The following NMUR2 variants were observed in gnomAD, a reference collection of about 807,000 sequenced individuals.
NMUR2 encodes neuromedin-U receptor 2.
Under a neutral mutation model 25.1 loss-of-function variants are expected in NMUR2, and 24 were observed. That is an observed-to-expected ratio of 0.96 (90% CI 0.69 to 1.34). The LOEUF (loss-of-function observed/expected upper bound fraction) is 1.34, where lower values mean the gene tolerates loss of function less well. Among genes scored for constraint, NMUR2 ranks in the 40% most tolerant of loss-of-function variants. The pLI, the probability that NMUR2 is intolerant of heterozygous loss-of-function variation, is 0.00. For synonymous variants in NMUR2, 218 were observed against 208.1 expected, an observed-to-expected ratio of 1.05 and a Z score of -0.41; for missense variants, 533 against 512.8, an observed-to-expected ratio of 1.04 and a Z score of -0.38.
chr5:152,396,865 G>A (rs1369692132), intron 2 of NMUR2, among the ~76,000 whole-genome samples: 1 of 151,856 alleles, frequency 6.6e-6, no homozygotes, highest in African/African-American at 2.4e-5. Context: ...CTCCAGCCAG[G>A]GCAACAGGGC....
At chr5:152,402,083 A>G (rs1753266432) in intron 1 of NMUR2, among the ~76,000 whole-genome samples, 1 of 152,204 alleles carries the variant, frequency 6.6e-6, no homozygotes, top group African/African-American at 2.4e-5. Context: ...ACAATTAATT[A>G]AGGAATCCAT....
At chr5:152,397,650 A>G (rs1753183075) in intron 2 of NMUR2, among the ~76,000 whole-genome samples, 1 of 152,032 alleles carries the variant, frequency 6.6e-6, no homozygotes, top group South Asian at 2.1e-4. Context: ...TTTTAAAAGA[A>G]ATCCATAATA....
intron 3 of NMUR2, 105 bp from the exon 4 acceptor site, chr5:152,392,606 C>T: frequency 1.2e-6 from 1 of 841,974 alleles, no homozygotes; most frequent in South Asian, 1.7e-5. Flanking sequence ...CTGTGATTGC[C>T]TCTTTTATAA....
chr5:152,402,750 G>T (rs144014142), intron 1 of NMUR2, among the ~76,000 whole-genome samples: 25 of 152,228 alleles, frequency 1.6e-4, no homozygotes, highest in African/African-American at 5.3e-4. Context: ...TCTTTTCCCC[G>T]CAGTGAGATG....
rs777328603 is a variant in NMUR2 at position 152,404,928 on chromosome 5, G to T, written c.186C>A (p.Gly62=). ...GAATCACCAGGCACACCAGGACATT[G>T]CCAATGACCCCCACCACAAAAATTG... The part of the protein sequence containing the change: ...YVPIFVVGVI[G]NVLVCLVILQ... Residue 62 remains glycine (G), a synonymous_variant, in exon 1 of 4, where the codon GGC becomes GGA. Coordinates refer to ENST00000255262, the MANE Select transcript of NMUR2 (RefSeq NM_020167.5). The T allele has an allele frequency of 6.2e-7, 1 of 1,614,008 alleles. No individual in the cohort carries two copies. Among genetic ancestry groups the T allele is most frequent in the South Asian group, 1.1e-5 (1 of 91,064 alleles).
intron 1 of NMUR2, among the ~76,000 whole-genome samples, chr5:152,402,980 C>A (rs1023929367): frequency 2.0e-5 from 3 of 152,176 alleles, no homozygotes; most frequent in African/African-American, 7.2e-5. Context: ...TACCATTGGG[C>A]ACTCGCTTCT....
intron 2 of NMUR2, among the ~76,000 whole-genome samples, chr5:152,396,586 G>A (rs901056974): frequency 2.6e-5 from 4 of 152,074 alleles, no homozygotes; most frequent in African/African-American, 7.2e-5. Context: ...GTTCACTACT[G>A]CCTACAATTC....
chr5:152,398,512 G>A (rs963117851), intron 1 of NMUR2, among the ~76,000 whole-genome samples: 1 of 152,192 alleles, frequency 6.6e-6, no homozygotes, highest in Non-Finnish European at 1.5e-5. Flanking sequence ...TTAGAAATCT[G>A]TTAAAGTGAA....
intron 3 of NMUR2, among the ~76,000 whole-genome samples, chr5:152,394,366 A>G (rs1334793153): frequency 6.6e-6 from 1 of 152,242 alleles, no homozygotes; most frequent in Non-Finnish European, 1.5e-5. Context: ...CACAATATTC[A>G]GTATAGATGT....
intron 1 of NMUR2, 51 bp from the exon 2 acceptor site, chr5:152,398,195 C>T (rs376394228): frequency 3.8e-5 from 51 of 1,344,138 alleles, no homozygotes; most frequent in African/African-American, 2.5e-4. Flanking sequence ...AACATTTTTC[C>T]TCCTGTTAAA....
At chr5:152,398,726 G>A (rs1329230232) in intron 1 of NMUR2, among the ~76,000 whole-genome samples, 3 of 152,112 alleles carry the variant, frequency 2.0e-5, no homozygotes, top group Non-Finnish European at 4.4e-5. Flanking sequence ...TTAGCCAAAA[G>A]GGAGATAGTG....
chr5:152,392,235 T>A lies in NMUR2; in HGVS notation c.1204A>T (p.Met402Leu). The change falls in exon 4 of 4, where the codon ATG (methionine) becomes TTG (leucine). Residue 402 changes from methionine (M) to leucine (L), a missense_variant. Coordinates refer to ENST00000255262, the MANE Select transcript of NMUR2 (RefSeq NM_020167.5). ...HLPAALSSEQMSRTNYQSFHF... is the reference protein window; with the variant it reads ...HLPAALSSEQLSRTNYQSFHF... ...AAGCTTTGATAGTTTGTTCTTGACA[T>A]CTGTTCACTAGAGAGGGCTGCTGGG... The A allele has an allele frequency of 6.2e-7, 1 of 1,613,786 alleles. No homozygotes were observed. Among genetic ancestry groups the A allele is most frequent in the South Asian group, 1.1e-5 (1 of 91,060 alleles).
chr5:152,404,497 A>ATCAAG lies in NMUR2; in HGVS notation c.616_617insCTTGA (p.Val206AlafsTer2). 1 of 1,614,042 alleles carries ATCAAG rather than the reference A, an allele frequency of 6.2e-7. No homozygotes were observed. The highest frequency in any genetic ancestry group is 1.7e-5 in the Admixed American group (1 of 60,020). On this transcript the variant is annotated stop_gained and frameshift_variant, in exon 1 of 4. Transcript: ENST00000255262. LOFTEE classifies it high-confidence loss of function. Reference sequence around the variant, plus strand: ...ATTGTAGATCCACATGGGCTTGATGACCGTACAGGTGGCCGAACCTGGGAC... The same window carrying ATCAAG: ...ATTGTAGATCCACATGGGCTTGATGATCAAGCCGTACAGGTGGCCGAACCTGGGAC...
chr5:152,403,170 A>T (rs948190329), intron 1 of NMUR2, among the ~76,000 whole-genome samples: 2 of 152,104 alleles, frequency 1.3e-5, no homozygotes, highest in Non-Finnish European at 2.9e-5. Flanking sequence ...GGAATAATAG[A>T]CTGTTAGAGC....
rs779692169 is a variant in NMUR2, at chr5:152,404,993, G to A, written c.121C>T (p.Arg41Cys). The stretch of plus-strand genomic sequence containing the variant: ...GACACGGGGAGGAAGAAGTGGCTGC[G>A]CCGAGGTCCGCAGAGGAAGGCCAGA... ...EYLAFLCGPRRSHFFLPVSVV... is the reference protein window; with the variant it reads ...EYLAFLCGPRCSHFFLPVSVV... The change falls in exon 1 of 4, where the codon CGC (arginine) becomes TGC (cysteine). Residue 41 changes from arginine to cysteine, a missense_variant. By Grantham distance (180) the Arg-to-Cys change is radical (BLOSUM62 -3). Transcript: ENST00000255262. 3.8e-5 allele frequency: 61 copies of A among 1,613,844 alleles called. No individual in the cohort carries two copies. Among genetic ancestry groups the A allele is most frequent in the Non-Finnish European group, 4.8e-5 (57 of 1,179,982 alleles).
At chr5:152,397,356 A>G (rs1753171210) in intron 2 of NMUR2, among the ~76,000 whole-genome samples, 1 of 152,274 alleles carries the variant, frequency 6.6e-6, no homozygotes, top group Admixed American at 6.5e-5. Context: ...ATATTTTTAT[A>G]ACATTCTTTT....
In NMUR2 at chr5:152,392,245, A is replaced by G. The variant is rs921567035; in HGVS notation, c.1194T>C (p.Ser398=). 1 of 1,613,882 alleles carries G rather than the reference A, an allele frequency of 6.2e-7. No individual in the cohort carries two copies. Among genetic ancestry groups the G allele is most frequent in the African/African-American group, 1.3e-5 (1 of 75,008 alleles). ...MHNSHLPAAL[S]SEQMSRTNYQ... ...AGTTTGTTCTTGACATCTGTTCACT[A>G]GAGAGGGCTGCTGGGAGGTGAGAGT... Residue 398 remains serine (S), a synonymous_variant, in exon 4 of 4, where the codon TCT becomes TCC. Coordinates refer to ENST00000255262, the MANE Select transcript of NMUR2 (RefSeq NM_020167.5).
intron 1 of NMUR2, among the ~76,000 whole-genome samples, chr5:152,399,292 T>C (rs1409580790): frequency 6.6e-6 from 1 of 152,114 alleles, no homozygotes; most frequent in Non-Finnish European, 1.5e-5. Flanking sequence ...AATTTTCCCT[T>C]AGGGAATGTA....
rs1380447071 is a variant in NMUR2 at position 152,405,230 on chromosome 5, A to T, written c.-117T>A. 1 of 1,212,132 alleles carries T rather than the reference A, an allele frequency of 8.2e-7. No individual in the cohort carries two copies. The highest frequency in any genetic ancestry group is 1.5e-5 in the African/African-American group (1 of 65,870). The allele number at this position is 1,212,132 out of a possible 1,614,324, so 75.1% of individuals were successfully genotyped here. A position where few individuals can be genotyped will look rare whatever the true frequency, so the allele number is the denominator to read the frequency against. ...AAGAGAAAGCAGTCACGAAAGTCAC[A>T]GGCTTCGTAAGGAAGGCTGGGAGAG... On this transcript the variant is annotated 5_prime_UTR_variant, in exon 1 of 4. Transcript: ENST00000255262.
Sources: gnomAD v4.1 joint callset for allele counts (sites outside exome capture counted in the v4.1 genomes callset) on GRCh38, gnomAD v4.1.1 for gene constraint, MANE v1.5 for transcripts, NCBI Gene and HGNC (gene_info 2026-07-23, HGNC 2026-07-21) for gene names.